PPP1R12B: variants seen among roughly 807,000 people sequenced by gnomAD.
PPP1R12B encodes the protein protein phosphatase 1 regulatory subunit 12B, also known as myosin phosphatase target subunit 2.
Under a neutral mutation model 126.1 loss-of-function variants are expected in PPP1R12B, and 76 were observed. That is an observed-to-expected ratio of 0.60 (90% CI 0.50 to 0.73). The LOEUF (loss-of-function observed/expected upper bound fraction) is 0.73. PPP1R12B is among the 30% of genes least tolerant of loss of function. The pLI, the probability that PPP1R12B is intolerant of heterozygous loss-of-function variation, is 0.00. For synonymous variants in PPP1R12B, 356 were observed against 434.7 expected (o/e 0.82, Z 2.25); for missense variants, 1,052 against 1,205.1 (o/e 0.87, Z 1.88).
At chr1:202,443,438 C>T (rs1045392351) in intron 12 of PPP1R12B, among the ~76,000 whole-genome samples, 2 of 152,226 alleles carry the variant, frequency 1.3e-5, no homozygotes, top group Non-Finnish European at 2.9e-5. Context: ...TTGGAATCAA[C>T]ACTTATTTCC....
intron 19 of PPP1R12B, 135 bp downstream of exon 19, chr1:202,559,028 C>A (rs1687251262): frequency 3.2e-6 from 3 of 947,532 alleles, no homozygotes; most frequent in Non-Finnish European, 4.6e-6. Flanking sequence ...ACAGCCACCA[C>A]AATAATTCAG....
chr1:202,539,421 G>A (rs531997071), intron 18 of PPP1R12B, among the ~76,000 whole-genome samples: 2 of 152,308 alleles, frequency 1.3e-5, no homozygotes, highest in South Asian at 4.1e-4. Context: ...GAAAATAGAA[G>A]AGGGGAGGGG....
chr1:202,440,132 T>C (rs1671419799), intron 10 of PPP1R12B, among the ~76,000 whole-genome samples: 1 of 152,174 alleles, frequency 6.6e-6, no homozygotes, highest in African/African-American at 2.4e-5. Flanking sequence ...AATTTTTATT[T>C]TCTTCACTTT....
In PPP1R12B at chr1:202,565,229, C is replaced by T. The variant is rs1687946433; in HGVS notation, c.2757+682C>T. 6.6e-6 allele frequency among the ~76,000 whole-genome samples: 1 copy of T among 152,220 alleles called. No individual in the cohort carries two copies. On this transcript the variant is annotated intron_variant, in intron 21 of 23. Coordinates refer to ENST00000608999, the MANE Select transcript of PPP1R12B (RefSeq NM_002481.4). The surrounding 1 kb of genome is among the most constrained non-coding windows in gnomAD (Gnocchi z 4.3). ...AACCTTGTCACCAGTGAAACAAACT[C>T]CGCAGCTGAAAGCTAAAGCAAGCAC... is the stretch of plus-strand genomic sequence containing the variant.
chr1:202,466,054 C>G (rs748211247), intron 13 of PPP1R12B, among the ~76,000 whole-genome samples: 22 of 152,126 alleles, frequency 1.4e-4, no homozygotes, highest in Non-Finnish European at 2.8e-4. Context: ...TTTTATTTGT[C>G]CTTGACAGTT....
Position 202,401,361 on chromosome 1 carries a change from A to ATTTT in PPP1R12B, c.292-15400_292-15397dup, listed in dbSNP as rs34810265. On this transcript the variant is annotated intron_variant, in intron 1 of 23. Transcript: ENST00000608999. ...TCCACCACCATGGCTGGCTAATTTA[A>ATTTT]TTTTTTTTTTTTTTTTTTTTTTTTT... Among the ~76,000 whole-genome samples, 541 of 71,434 alleles carry ATTTT rather than the reference A, an allele frequency of 7.6e-3. 53 individuals are homozygous for ATTTT. The highest frequency in any genetic ancestry group is 0.021 in the East Asian group (53 of 2,550). 46.9% of individuals were successfully genotyped at this position (71,434 alleles called of 152,430 possible).
chr1:202,423,659 G>C (rs1483919285), intron 3 of PPP1R12B, among the ~76,000 whole-genome samples: 1 of 152,020 alleles, frequency 6.6e-6, no homozygotes, highest in African/African-American at 2.4e-5. Flanking sequence ...TTCATGTATA[G>C]TTTTTCTGTC....
At chr1:202,541,238 T>TC (rs1553316842) in intron 18 of PPP1R12B, among the ~76,000 whole-genome samples, 6 of 151,480 alleles carry the variant, frequency 4.0e-5, no homozygotes, top group African/African-American at 9.7e-5. Flanking sequence ...GGTTTTTTTT[T>TC]CCCCCAATTA....
chr1:202,438,635 C>T, intron 10 of PPP1R12B: 1 of 526,684 alleles, frequency 1.9e-6, no homozygotes. Context: ...CCGTCCCTGG[C>T]CCCGGAAGCA....
chr1:202,491,587 AG>A (rs1427740203), intron 14 of PPP1R12B, among the ~76,000 whole-genome samples: 1 of 152,240 alleles, frequency 6.6e-6, no homozygotes, highest in Non-Finnish European at 1.5e-5. Context: ...AATAAATGAT[AG>A]GGAAAGATAA....
At chr1:202,463,900 T>G (rs1168482667) in intron 13 of PPP1R12B, among the ~76,000 whole-genome samples, 1 of 152,176 alleles carries the variant, frequency 6.6e-6, no homozygotes. Context: ...TCCCTTTCTC[T>G]CAACTCTTCT....
chr1:202,427,205 A>C lies in PPP1R12B; in HGVS notation c.846+21A>C, dbSNP rs767979066. ...AACTGGTTAGTGAGCCTGAACCTCT[A>C]AAAGAACAACGAGATTGGTGGCTGG... On this transcript the variant is annotated intron_variant, in intron 5 of 23. Coordinates refer to ENST00000608999, the MANE Select transcript of PPP1R12B (RefSeq NM_002481.4). 8.1e-6 allele frequency: 13 copies of C among 1,611,524 alleles called. No individual in the cohort carries two copies. The African/African-American group carries it at 1.2e-4, about 15-fold the overall frequency.
At chr1:202,422,550 A>G (rs1224663819) in intron 2 of PPP1R12B, 70 bp from the exon 3 acceptor site, 2 of 1,426,248 alleles carry the variant, frequency 1.4e-6, no homozygotes, top group Admixed American at 1.7e-5. Context: ...TGTGTATTGA[A>G]TGCCAGATGC....
Position 202,430,792 on chromosome 1 carries a change from A to G in PPP1R12B, c.983A>G (p.Gln328Arg), listed in dbSNP as rs751747714. 3 of 1,612,788 alleles carry G rather than the reference A, an allele frequency of 1.9e-6. No individual in the cohort carries two copies. The highest frequency in any genetic ancestry group is 2.5e-6 in the Non-Finnish European group (3 of 1,179,204). The part of the protein sequence containing the change: ...LIESDLNSKI[Q>R]SGFFKNKEKM... The stretch of plus-strand genomic sequence containing the variant: ...GAGTCAGATCTGAACAGCAAGATTC[A>G]GAGTGGGTTCTTTAAGAAGTAAGAC... Residue 328 changes from glutamine to arginine, a missense_variant, in exon 7 of 24, where the codon CAG (glutamine) becomes CGG (arginine). By Grantham distance (43) the Gln-to-Arg change is conservative. Coordinates refer to ENST00000608999, the MANE Select transcript of PPP1R12B (RefSeq NM_002481.4).
In PPP1R12B at chr1:202,438,002, C is replaced by T. The variant is rs1572018446; in HGVS notation, c.1436C>T (p.Ala479Val). 1.2e-6 allele frequency: 2 copies of T among 1,614,020 alleles called. No homozygotes were observed. Among genetic ancestry groups the T allele is most frequent in the East Asian group, 2.2e-5 (1 of 44,864 alleles). ...YRSSSSPRIS[A>V]LLDNKDKERE... is the part of the protein sequence containing the mutation. ...TCCTCTTCAAGCCCTCGGATTTCTG[C>T]TCTACTGGACAACAAAGATAAGGTG... is the stretch of plus-strand genomic sequence containing the variant. Residue 479 changes from alanine to valine, a missense_variant, in exon 10 of 24, where the codon GCT becomes GTT. Ala to Val is a moderately conservative substitution (Grantham distance 64). Transcript: ENST00000608999.
chr1:202,505,438 C>T (rs539134235), intron 18 of PPP1R12B, among the ~76,000 whole-genome samples: 1 of 152,308 alleles, frequency 6.6e-6, no homozygotes, highest in Admixed American at 6.5e-5. Flanking sequence ...TGGCTATTTG[C>T]TGGATCCTTT....
chr1:202,501,573 T>A (rs1680231909), intron 18 of PPP1R12B, among the ~76,000 whole-genome samples: 1 of 152,208 alleles, frequency 6.6e-6, no homozygotes, highest in African/African-American at 2.4e-5. Flanking sequence ...TTTAAGGAAT[T>A]GTTGAAGGAC....
intron 18 of PPP1R12B, among the ~76,000 whole-genome samples, chr1:202,556,589 C>A (rs182715681): frequency 2.0e-5 from 3 of 152,274 alleles, no homozygotes; most frequent in Admixed American, 1.3e-4. Flanking sequence ...ATATGATCTT[C>A]CCAAAACTCC....
chr1:202,506,775 A>G (rs1295600541), intron 18 of PPP1R12B, among the ~76,000 whole-genome samples: 2 of 152,244 alleles, frequency 1.3e-5, no homozygotes, highest in African/African-American at 4.8e-5. Context: ...TTTATAAAAG[A>G]TAGTAAATTT....
Sources: allele counts gnomAD v4.1 joint callset (sites outside exome capture counted in the v4.1 genomes callset), GRCh38; gene constraint gnomAD v4.1.1; non-coding constraint Gnocchi (gnomAD v3.1); transcripts MANE v1.5; gene names NCBI Gene and HGNC (gene_info 2026-07-23, HGNC 2026-07-21).